Variants in GAS2L3 observed in about 807,000 individuals in gnomAD.
The protein encoded by GAS2L3 is GAS2-like protein 3.
Under a neutral mutation model 37.0 loss-of-function variants are expected in GAS2L3, and 28 were observed. That is an observed-to-expected ratio of 0.76 (90% confidence interval 0.56 to 1.04). The LOEUF (loss-of-function observed/expected upper bound fraction) is 1.04, where lower values mean the gene tolerates loss of function less well. Among genes scored for constraint, GAS2L3 ranks in the 50% least tolerant of loss-of-function variants. The probability of loss-of-function intolerance (pLI) is 0.00; values close to 1 mark genes in which losing one functional copy is unlikely to be tolerated. For synonymous variants in GAS2L3, 290 were observed against 296.6 expected, an observed-to-expected ratio of 0.98 and a Z score of 0.23; for missense variants, 793 against 817.6, an observed-to-expected ratio of 0.97 and a Z score of 0.37.
intron 5 of GAS2L3, among the ~76,000 whole-genome samples, chr12:100,611,582 T>G (rs1002155154): frequency 2.0e-5 from 3 of 152,114 alleles, no homozygotes; most frequent in African/African-American, 4.8e-5. Flanking sequence ...GGGGGTGGTT[T>G]TGGGATGTAA....
At position 100,600,511 on chromosome 12, in the gene GAS2L3, A is replaced by G; in HGVS notation, c.148A>G (p.Met50Val). The G allele has an allele frequency of 6.2e-7, 1 of 1,613,918 alleles. No homozygotes were observed. The highest frequency in any genetic ancestry group is 1.1e-5 in the South Asian group (1 of 91,046). Residue 50 changes from methionine to valine, a missense_variant, in exon 4 of 10, where the codon ATG (methionine) becomes GTG (valine). By Grantham distance (21) the Met-to-Val change is conservative. Transcript: ENST00000547754. The part of the protein sequence containing the change: ...AVRHEATLLP[M>V]QEDLSIWLSG... ...GAGGCATGAAGCCACTTTGTTGCCC[A>G]TGCAAGAAGATCTGTCAATCTGGTT...
chr12:100,598,345 G>T (rs1046333410), intron 3 of GAS2L3, among the ~76,000 whole-genome samples: 1 of 151,988 alleles, frequency 6.6e-6, no homozygotes, highest in African/African-American at 2.4e-5. Context: ...GAATATTCCC[G>T]ACCACTTATT....
intron 1 of GAS2L3, among the ~76,000 whole-genome samples, chr12:100,581,818 G>T (rs181118508): frequency 6.6e-6 from 1 of 151,880 alleles, no homozygotes; most frequent in Non-Finnish European, 1.5e-5. Flanking sequence ...GCATACCACC[G>T]TTTTTTCCTT....
Position 100,608,725 on chromosome 12 carries a change from A to T in GAS2L3, c.304-3275A>T, listed in dbSNP as rs191089290. Among the ~76,000 whole-genome samples, 229 of 152,092 alleles carry T rather than the reference A, an allele frequency of 1.5e-3. 2 individuals carry two copies. The East Asian group carries it at 0.023, about 15-fold the overall frequency. On this transcript the variant is annotated intron_variant, in intron 5 of 9. Transcript: ENST00000547754. ...TTTTTAGTAGAGACGGGGTTTCACCATGGTCTTGATCTCCTGACCTCGTGA... is the reference window on the plus strand; with the variant it reads ...TTTTTAGTAGAGACGGGGTTTCACCTTGGTCTTGATCTCCTGACCTCGTGA...
intron 1 of GAS2L3, among the ~76,000 whole-genome samples, chr12:100,585,734 G>A (rs35693): frequency 0.35 from 52,800 of 151,944 alleles, 9,826 homozygotes; most frequent in African/African-American, 0.48. Context: ...TGCCAAATCC[G>A]TTTGTTCTTA....
At chr12:100,587,666 A>G (rs1231821440) in intron 1 of GAS2L3, among the ~76,000 whole-genome samples, 2 of 152,200 alleles carry the variant, frequency 1.3e-5, no homozygotes, top group African/African-American at 4.8e-5. Flanking sequence ...TCCCTCTGGG[A>G]ACTGGAACAA....
At chr12:100,602,177 A>G (rs1170381720) in intron 5 of GAS2L3, among the ~76,000 whole-genome samples, 1 of 152,148 alleles carries the variant, frequency 6.6e-6, no homozygotes, top group Non-Finnish European at 1.5e-5. Flanking sequence ...TTCCTGGCAC[A>G]CAAGTAGCAG....
At chr12:100,595,438 G>A (rs1419050900) in intron 3 of GAS2L3, among the ~76,000 whole-genome samples, 1 of 150,400 alleles carries the variant, frequency 6.6e-6, no homozygotes, top group East Asian at 1.9e-4. Context: ...AGGGGTGCAA[G>A]CTGGGTATAA....
chr12:100,589,012 C>T (rs929226243), intron 1 of GAS2L3, among the ~76,000 whole-genome samples: 1 of 152,068 alleles, frequency 6.6e-6, no homozygotes, highest in Non-Finnish European at 1.5e-5. Flanking sequence ...GTAGAGTTAA[C>T]ACAATTATCA....
chr12:100,584,346 C>G (rs35696), intron 1 of GAS2L3, among the ~76,000 whole-genome samples: 39,633 of 152,020 alleles, frequency 0.26, 5,384 homozygotes, highest in African/African-American at 0.32. Flanking sequence ...AACTCTCCAA[C>G]TGTTTCTTCT....
Position 100,623,841 on chromosome 12 carries a change from C to T in GAS2L3, c.1036C>T (p.Gln346Ter), listed in dbSNP as rs1337281676. The change falls in exon 10 of 10, where the codon CAG becomes TAG. Residue 346 changes from glutamine (Q) to a stop codon, truncating the protein, a stop_gained. Transcript: ENST00000547754. LOFTEE classifies it low-confidence loss of function (END_TRUNC). ...TAGTATTCCAAAAAGCAAAGAAAAA[C>T]AGGGACGTCCACCAGGTGCATTGGT... is the stretch of plus-strand genomic sequence containing the variant. The part of the protein sequence containing the change: ...PVSIPKSKEK[Q>*]GRPPGALVPA... 3 of 1,613,972 alleles carry T rather than the reference C, an allele frequency of 1.9e-6. No homozygotes were observed. Among genetic ancestry groups the T allele is most frequent in the Non-Finnish European group, 2.5e-6 (3 of 1,179,964 alleles).
chr12:100,628,186 C>A lies in GAS2L3; in HGVS notation c.*3296C>A, dbSNP rs1182721412. On this transcript the variant is annotated 3_prime_UTR_variant, in exon 10 of 10. Coordinates refer to ENST00000547754, the MANE Select transcript of GAS2L3 (RefSeq NM_174942.3). The stretch of plus-strand genomic sequence containing the variant: ...TTACATCCAGGTTCACATAATAACC[C>A]CATTTGAATCCAAATTTGTGTATAT... 1 of 152,124 alleles carries A rather than the reference C, an allele frequency of 6.6e-6. No homozygotes were observed. Among genetic ancestry groups the A allele is most frequent in the African/African-American group, 2.4e-5 (1 of 41,424 alleles). 9.4% of individuals were successfully genotyped at this position (152,124 alleles called of 1,614,324 possible).
At chr12:100,602,373 T>G (rs1956001755) in intron 5 of GAS2L3, among the ~76,000 whole-genome samples, 1 of 152,000 alleles carries the variant, frequency 6.6e-6, no homozygotes, top group South Asian at 2.1e-4. Flanking sequence ...CTCAAGAGTT[T>G]GGAGTCTGGA....
intron 3 of GAS2L3, among the ~76,000 whole-genome samples, chr12:100,596,284 C>T (rs187258628): frequency 6.0e-4 from 92 of 152,182 alleles, no homozygotes; most frequent in African/African-American, 2.2e-3. Context: ...TCAGGAATGT[C>T]ATAGTTTCTT....
At chr12:100,614,896 AT>A (rs1956168453) in intron 6 of GAS2L3, among the ~76,000 whole-genome samples, 3 of 152,240 alleles carry the variant, frequency 2.0e-5, no homozygotes, top group Non-Finnish European at 2.9e-5. Context: ...GATATGCCAT[AT>A]TTTTTTAAGC....
intron 1 of GAS2L3, among the ~76,000 whole-genome samples, chr12:100,584,605 G>A (rs575063469): frequency 1.2e-4 from 18 of 150,380 alleles, no homozygotes; most frequent in South Asian, 6.3e-4. Flanking sequence ...ACAGAGTCTC[G>A]TTCTGTCACT....
chr12:100,597,776 G>A (rs193295548), intron 3 of GAS2L3, among the ~76,000 whole-genome samples: 64 of 151,492 alleles, frequency 4.2e-4, no homozygotes, highest in African/African-American at 1.2e-3. Context: ...CCCATTCCCC[G>A]CCACCAGTTT....
intron 5 of GAS2L3, among the ~76,000 whole-genome samples, chr12:100,602,276 A>AT (rs944875482): frequency 2.6e-5 from 4 of 152,028 alleles, no homozygotes; most frequent in Non-Finnish European, 4.4e-5. Flanking sequence ...TAAATAATAC[A>AT]TTTTTTAGAC....
At position 100,625,030 on chromosome 12, in the gene GAS2L3, G is replaced by T. The variant is rs1956318381; in HGVS notation, c.*140G>T. 1 of 662,180 alleles carries T rather than the reference G, an allele frequency of 1.5e-6. No homozygotes were observed. Among genetic ancestry groups the T allele is most frequent in the African/African-American group, 1.8e-5 (1 of 55,326 alleles). The allele number at this position is 662,180 out of a possible 1,614,324, so 41.0% of individuals were successfully genotyped here. ...GGATGGAGGCTGGGATGAGGAAAGG[G>T]TTCATCAGAATTCACATATCTGAAT... On this transcript the variant is annotated 3_prime_UTR_variant, in exon 10 of 10. Transcript: ENST00000547754.
Sources: gnomAD v4.1 joint callset for allele counts (sites outside exome capture counted in the v4.1 genomes callset) on GRCh38, gnomAD v4.1.1 for gene constraint, MANE v1.5 for transcripts, NCBI Gene and HGNC (gene_info 2026-07-23, HGNC 2026-07-21) for gene names.